USP45: variants seen among roughly 807,000 people sequenced by gnomAD.
USP45 encodes ubiquitin carboxyl-terminal hydrolase 45.
USP45 carries 89 observed loss-of-function variants against 95.8 expected under a neutral mutation model. That is an observed-to-expected ratio of 0.93 (90% CI 0.78 to 1.11). The LOEUF (loss-of-function observed/expected upper bound fraction) is 1.11, where lower values mean the gene tolerates loss of function less well. USP45 is among the 50% of genes least tolerant of loss of function. USP45 has a pLI of 0.00. For missense variants in USP45, 898 were observed against 942.5 expected (o/e 0.95, Z 0.62); for synonymous variants, 281 against 316.2 (o/e 0.89, Z 1.18).
chr6:99,465,226 C>T, intron 11 of USP45, 90 bp from the exon 12 acceptor site: 2 of 1,100,230 alleles, frequency 1.8e-6, no homozygotes, highest in Non-Finnish European at 2.5e-6. Context: ...ACTTCCCGGG[C>T]AACCTAAAAT....
chr6:99,448,123 A>C (rs534822271), intron 13 of USP45, among the ~76,000 whole-genome samples: 1 of 152,202 alleles, frequency 6.6e-6, no homozygotes, highest in Admixed American at 6.5e-5. Context: ...AAATTCTAAA[A>C]ATCAGAGCGC....
Position 99,446,159 on chromosome 6 carries a change from G to C in USP45, c.1613C>G (p.Ser538Ter), listed in dbSNP as rs111747277. ...CTTGGTGTACAGCAGTTTACCTGCT[G>C]ACAGAGGGTAAAGGGGTCCATCTGG... ...VQPDGPLYPL[S>*]AGKLLYTKET... The change falls in exon 14 of 18, where the codon TCA becomes TGA. Residue 538 changes from serine to a stop codon, truncating the protein, a stop_gained. Transcript: ENST00000500704. LOFTEE classifies it high-confidence loss of function. 2.8e-5 allele frequency: 45 copies of C among 1,614,050 alleles called. No individual in the cohort carries two copies. Among genetic ancestry groups the C allele is most frequent in the Non-Finnish European group, 3.8e-5 (45 of 1,180,042 alleles).
chr6:99,505,435 G>A (rs1798291833), intron 4 of USP45, among the ~76,000 whole-genome samples: 1 of 152,024 alleles, frequency 6.6e-6, no homozygotes, highest in Non-Finnish European at 1.5e-5. Flanking sequence ...GGAGGCCAAG[G>A]CGGGAGGATC....
intron 5 of USP45, 133 bp downstream of exon 5, chr6:99,503,632 T>A: frequency 8.1e-6 from 5 of 615,822 alleles, no homozygotes; most frequent in Non-Finnish European, 1.3e-5. Flanking sequence ...ACCCAGCCGA[T>A]ACTCATAATA....
Position 99,436,357 on chromosome 6 carries a change from A to C in USP45, c.2315-511T>G, listed in dbSNP as rs376291790. ...ACTTGAGGTCAGGAGTTTGAGACCA[A>C]CCCAGCCAACATGGTGAAACCCCGT... On this transcript the variant is annotated intron_variant, in intron 17 of 17. Transcript: ENST00000500704. 2.9e-4 allele frequency among the ~76,000 whole-genome samples: 44 copies of C among 151,618 alleles called. 1 individual carries two copies. In the South Asian group the frequency reaches 9.2e-3, roughly 32 times the overall value.
chr6:99,493,429 C>T (rs1227097365), intron 5 of USP45, among the ~76,000 whole-genome samples: 1 of 152,174 alleles, frequency 6.6e-6, no homozygotes, highest in African/African-American at 2.4e-5. Flanking sequence ...TGAGAGTTTA[C>T]AATTCTAGTT....
intron 4 of USP45, among the ~76,000 whole-genome samples, chr6:99,506,870 T>A (rs1798641411): frequency 6.6e-6 from 1 of 152,022 alleles, no homozygotes; most frequent in East Asian, 1.9e-4. Flanking sequence ...AAAAATCAAC[T>A]AAAAAGAATT....
At chr6:99,487,413 C>A (rs1251584167) in intron 7 of USP45, among the ~76,000 whole-genome samples, 2 of 152,044 alleles carry the variant, frequency 1.3e-5, no homozygotes, top group African/African-American at 4.8e-5. Context: ...TGGTGCCAGG[C>A]CAGCTTCTGA....
At chr6:99,495,965 ATC>A (rs1461591849) in intron 5 of USP45, among the ~76,000 whole-genome samples, 2 of 152,230 alleles carry the variant, frequency 1.3e-5, no homozygotes, top group African/African-American at 4.8e-5. Flanking sequence ...GTTTTGTAGT[ATC>A]GATGAGGAAC....
At chr6:99,487,633 C>CAAAAAAAAAAAAAAAAA (rs11335830) in intron 7 of USP45, among the ~76,000 whole-genome samples, 3 of 106,388 alleles carry the variant, frequency 2.8e-5, no homozygotes, top group Non-Finnish European at 3.7e-5. Context: ...ACTAAAAATA[C>CAAAAAAAAAAAAAAAAA]AAAAAAAAAA....
chr6:99,468,583 G>T lies in USP45; in HGVS notation c.969C>A (p.Asn323Lys). ...CATCATCAGCAGTTTTAGTAGTTGG[G>T]TTGTTAAATGCTTTTAGAATGCTAG... is the stretch of plus-strand genomic sequence containing the variant. Reference protein sequence around the residue: ...IQASILKAFNNPTTKTADDET... With the variant: ...IQASILKAFNKPTTKTADDET... Residue 323 changes from asparagine (N) to lysine (K), a missense_variant, in exon 10 of 18, where the codon AAC becomes AAA. Transcript: ENST00000500704. The T allele has an allele frequency of 1.2e-6, 2 of 1,609,228 alleles. No individual in the cohort carries two copies. The highest frequency in any genetic ancestry group is 1.7e-6 in the Non-Finnish European group (2 of 1,177,090).
chr6:99,439,201 C>T (rs1781058891), intron 16 of USP45, among the ~76,000 whole-genome samples: 1 of 152,262 alleles, frequency 6.6e-6, no homozygotes, highest in East Asian at 1.9e-4. Context: ...CCCATAACTG[C>T]TTCCTTCAAG....
At chr6:99,513,787 T>C (rs1800472892) in intron 1 of USP45, among the ~76,000 whole-genome samples, 1 of 152,196 alleles carries the variant, frequency 6.6e-6, no homozygotes, top group Non-Finnish European at 1.5e-5. Flanking sequence ...AATTCGGCAA[T>C]TATTTATCTG....
intron 16 of USP45, among the ~76,000 whole-genome samples, chr6:99,438,384 G>A (rs1780900668): frequency 2.0e-5 from 3 of 152,082 alleles, no homozygotes; most frequent in African/African-American, 7.2e-5. Context: ...TTTTTAAAAT[G>A]GTTACCTATA....
chr6:99,483,688 A>C (rs1024001326), intron 7 of USP45, among the ~76,000 whole-genome samples: 4 of 148,664 alleles, frequency 2.7e-5, no homozygotes, highest in Non-Finnish European at 5.9e-5. Context: ...AATACAAAAA[A>C]TTAGCCAGGC....
chr6:99,436,573 G>A (rs1006498970), intron 17 of USP45, among the ~76,000 whole-genome samples: 7 of 151,934 alleles, frequency 4.6e-5, no homozygotes, highest in Admixed American at 1.3e-4. Context: ...AACAAAAAAA[G>A]CAAAGTTAGT....
chr6:99,469,548 T>C (rs990001004), intron 9 of USP45, among the ~76,000 whole-genome samples: 2 of 150,164 alleles, frequency 1.3e-5, no homozygotes, highest in Admixed American at 6.7e-5. Flanking sequence ...GTGTAATCAC[T>C]GCCCACTGCA....
chr6:99,488,260 C>G lies in USP45; in HGVS notation c.654G>C (p.Met218Ile). ...LAQTYTLTDL[M>I]NEIKESSTKL... Reference sequence around the variant, plus strand: ...TTGTACTACTTTCTTTGATCTCATTCATCAGATCAGTAAGAGTATAAGTCT... The same window carrying G: ...TTGTACTACTTTCTTTGATCTCATTGATCAGATCAGTAAGAGTATAAGTCT... Residue 218 changes from methionine (M) to isoleucine (I), a missense_variant, in exon 7 of 18, where the codon ATG becomes ATC. Transcript: ENST00000500704. 1 of 1,612,020 alleles carries G rather than the reference C, an allele frequency of 6.2e-7. No individual in the cohort carries two copies. The highest frequency in any genetic ancestry group is 8.5e-7 in the Non-Finnish European group (1 of 1,179,258).
chr6:99,483,212 G>A (rs1164431264), intron 7 of USP45, among the ~76,000 whole-genome samples: 2 of 151,678 alleles, frequency 1.3e-5, no homozygotes, highest in Non-Finnish European at 2.9e-5. Context: ...ACCACTCCAC[G>A]AATAATCATA....
Sources: allele counts gnomAD v4.1 joint callset (sites outside exome capture counted in the v4.1 genomes callset), GRCh38; gene constraint gnomAD v4.1.1; transcripts MANE v1.5; gene names NCBI Gene and HGNC (gene_info 2026-07-23, HGNC 2026-07-21).